Variants in TRIO observed in about 807,000 individuals in gnomAD.
TRIO encodes the protein trio Rho guanine nucleotide exchange factor, also known as triple functional domain protein.
In TRIO, 58 loss-of-function variants were observed where a neutral mutation model predicts 351.9. The observed-to-expected ratio is 0.16, with a 90% CI of 0.13 to 0.21. The LOEUF (loss-of-function observed/expected upper bound fraction) is 0.21, where lower values mean the gene tolerates loss of function less well. TRIO is among the 10% of genes least tolerant of loss of function. TRIO has a pLI of 1.00. For synonymous variants in TRIO, 1,758 were observed against 1,595.7 expected, an observed-to-expected ratio of 1.10 and a Z score of -2.42; for missense variants, 3,201 against 4,027.8, an observed-to-expected ratio of 0.79 and a Z score of 5.56.
chr5:14,368,699 T>C lies in TRIO; in HGVS notation c.2875-9T>C. On this transcript the variant is annotated splice_polypyrimidine_tract_variant and intron_variant, in intron 16 of 56. Coordinates refer to ENST00000344204, the MANE Select transcript of TRIO (RefSeq NM_007118.4). The stretch of plus-strand genomic sequence containing the variant: ...CAAATAAGCCTTCCCTTTTGTTCTC[T>C]GTCTCTAGAAAACACATCAGAGCGC... 2 of 1,607,216 alleles carry C rather than the reference T, an allele frequency of 1.2e-6. No individual in the cohort carries two copies. Among genetic ancestry groups the C allele is most frequent in the Non-Finnish European group, 1.7e-6 (2 of 1,174,498 alleles).
At chr5:14,281,511 G>A (rs1254748299) in intron 3 of TRIO, among the ~76,000 whole-genome samples, 1 of 150,154 alleles carries the variant, frequency 6.7e-6, no homozygotes, top group African/African-American at 2.5e-5. Context: ...AGATTTGGGT[G>A]GGGACACAGA....
At chr5:14,217,416 T>C (rs1256934938) in intron 1 of TRIO, among the ~76,000 whole-genome samples, 1 of 152,128 alleles carries the variant, frequency 6.6e-6, no homozygotes, top group African/African-American at 2.4e-5. Flanking sequence ...GTGAGAGTTG[T>C]TGCATTGAAA....
chr5:14,205,393 A>G (rs1177738000), intron 1 of TRIO, among the ~76,000 whole-genome samples: 3 of 152,256 alleles, frequency 2.0e-5, no homozygotes, highest in Non-Finnish European at 4.4e-5. Flanking sequence ...TACCTGAAAC[A>G]GTGAACAGTA....
chr5:14,240,166 T>C (rs1794041663), intron 1 of TRIO, among the ~76,000 whole-genome samples: 2 of 152,256 alleles, frequency 1.3e-5, no homozygotes, highest in Admixed American at 6.5e-5. Flanking sequence ...CATACAGGTT[T>C]GTGGAATGAG....
chr5:14,162,355 A>G (rs1181018426), intron 1 of TRIO, among the ~76,000 whole-genome samples: 9 of 152,226 alleles, frequency 5.9e-5, no homozygotes, highest in Non-Finnish European at 1.2e-4. Context: ...TAGAGAAATC[A>G]TGTCGTAAAT....
At chr5:14,392,900 T>A (rs911592817) in intron 27 of TRIO, among the ~76,000 whole-genome samples, 1 of 151,408 alleles carries the variant, frequency 6.6e-6, no homozygotes, top group African/African-American at 2.4e-5. Context: ...CAAAAAAAAT[T>A]AGCCGAGCGT....
chr5:14,365,479 A>G (rs1028495067), intron 15 of TRIO, among the ~76,000 whole-genome samples: 1 of 152,216 alleles, frequency 6.6e-6, no homozygotes, highest in Non-Finnish European at 1.5e-5. Context: ...TGGCACTCAC[A>G]TCAGAACAGG....
intron 29 of TRIO, 37 bp downstream of exon 29, chr5:14,397,191 A>C (rs750069686): frequency 1.8e-5 from 27 of 1,509,218 alleles, no homozygotes; most frequent in Middle Eastern, 1.7e-4. Context: ...GCATCTATGC[A>C]GTTTCTAATG....
chr5:14,308,536 A>G (rs1351886336), intron 8 of TRIO, among the ~76,000 whole-genome samples: 1 of 150,750 alleles, frequency 6.6e-6, no homozygotes, highest in African/African-American at 2.4e-5. Flanking sequence ...CCATTTATCC[A>G]TCCATCCACC....
intron 1 of TRIO, among the ~76,000 whole-genome samples, chr5:14,257,787 T>C (rs1795109776): frequency 6.6e-6 from 1 of 152,234 alleles, no homozygotes; most frequent in Non-Finnish European, 1.5e-5. Flanking sequence ...TCTGTTCTTT[T>C]AGTTTTAAGT....
chr5:14,464,097 A>G (rs577932988), intron 36 of TRIO, among the ~76,000 whole-genome samples: 1 of 151,900 alleles, frequency 6.6e-6, no homozygotes, highest in Admixed American at 6.6e-5. Flanking sequence ...AGGAACAGGG[A>G]GCCTGAGGTG....
chr5:14,260,327 T>G (rs1416723121), intron 1 of TRIO, among the ~76,000 whole-genome samples: 1 of 152,260 alleles, frequency 6.6e-6, no homozygotes, highest in Non-Finnish European at 1.5e-5. Context: ...ATTTGTCAGC[T>G]CTTACTGTTT....
At chr5:14,250,093 A>G (rs1427947992) in intron 1 of TRIO, among the ~76,000 whole-genome samples, 1 of 152,228 alleles carries the variant, frequency 6.6e-6, no homozygotes, top group African/African-American at 2.4e-5. Flanking sequence ...AGGAGAAATA[A>G]GGGCAATTTA....
chr5:14,322,616 A>G (rs1275145834), intron 9 of TRIO, among the ~76,000 whole-genome samples: 8 of 152,146 alleles, frequency 5.3e-5, no homozygotes, highest in South Asian at 2.1e-4. Context: ...CAGGAGCTCT[A>G]GGTTTAGCAT....
chr5:14,225,508 T>C (rs1434665163), intron 1 of TRIO, among the ~76,000 whole-genome samples: 2 of 152,118 alleles, frequency 1.3e-5, no homozygotes, highest in East Asian at 1.9e-4. Flanking sequence ...CAGAATCCAC[T>C]TCACTGTGGT....
Position 14,508,566 on chromosome 5 carries a change from C to T in TRIO, c.*144C>T. 1 of 1,083,208 alleles carries T rather than the reference C, an allele frequency of 9.2e-7. No homozygotes were observed. The highest frequency in any genetic ancestry group is 1.3e-6 in the Non-Finnish European group (1 of 764,032). The allele number at this position is 1,083,208 out of a possible 1,614,324, so 67.1% of individuals were successfully genotyped here. A position where few individuals can be genotyped will look rare whatever the true frequency, so the allele number is the denominator to read the frequency against. On this transcript the variant is annotated 3_prime_UTR_variant, in exon 57 of 57. Coordinates refer to ENST00000344204, the MANE Select transcript of TRIO (RefSeq NM_007118.4). ...TGCATTCCAAGTGAGCTGTGCTCAG[C>T]AGTGCTTGGACACAGAGCTGCAAGC... is the stretch of plus-strand genomic sequence containing the variant.
rs377391204 is a variant in TRIO at position 14,322,424 on chromosome 5, G to C, written c.1731+5681G>C. Among the ~76,000 whole-genome samples the C allele has an allele frequency of 9.2e-5, 14 of 152,264 alleles. No individual in the cohort carries two copies. In the South Asian group the frequency reaches 2.9e-3, roughly 32 times the overall value. On this transcript the variant is annotated intron_variant, in intron 9 of 56. Coordinates refer to ENST00000344204, the MANE Select transcript of TRIO (RefSeq NM_007118.4). ...TGTGAGATCTCTCATGAGGATTTTG[G>C]TCATTTGAATGCAAAATGAGGGTCT...
intron 33 of TRIO, among the ~76,000 whole-genome samples, chr5:14,406,927 G>A (rs114973937): frequency 2.8e-4 from 43 of 152,180 alleles, no homozygotes; most frequent in African/African-American, 9.6e-4. Context: ...GGGTGTTACT[G>A]GACATTCGAG....
intron 1 of TRIO, among the ~76,000 whole-genome samples, chr5:14,182,166 TA>T (rs1789820043): frequency 6.6e-6 from 1 of 152,120 alleles, no homozygotes; most frequent in South Asian, 2.1e-4. Context: ...GAAGATTTGA[TA>T]AACGAGACTT....
Sources: allele counts gnomAD v4.1 joint callset (sites outside exome capture counted in the v4.1 genomes callset), GRCh38; gene constraint gnomAD v4.1.1; transcripts MANE v1.5; gene names NCBI Gene and HGNC (gene_info 2026-07-23, HGNC 2026-07-21).